The following NRXN2 variants were observed in gnomAD, a reference collection of about 807,000 sequenced individuals.
NRXN2 encodes neurexin 2.
Under a neutral mutation model 128.8 loss-of-function variants are expected in NRXN2, and 29 were observed. The observed-to-expected ratio is 0.23, with a 90% CI of 0.17 to 0.31. The LOEUF (loss-of-function observed/expected upper bound fraction) is 0.31. Ranked by LOEUF, NRXN2 falls within the 10% of genes least tolerant of loss-of-function variation. The pLI is 1.00. For synonymous variants in NRXN2, 1,098 were observed against 1,075.2 expected (o/e 1.02, Z -0.41); for missense variants, 1,881 against 2,452.6 (o/e 0.77, Z 4.92).
chr11:64,696,412 C>T (rs2054531009), intron 3 of NRXN2, among the ~76,000 whole-genome samples: 2 of 152,116 alleles, frequency 1.3e-5, no homozygotes, highest in South Asian at 4.1e-4. Context: ...CACTCAGACA[C>T]AAAACCATGT....
chr11:64,637,454 C>G (rs548032280), intron 17 of NRXN2: 2 of 152,308 alleles, frequency 1.3e-5, no homozygotes, highest in African/African-American at 4.8e-5. Flanking sequence ...AGGCCTCAGC[C>G]GGTAACGGTC....
chr11:64,692,711 G>A lies in NRXN2; in HGVS notation c.778+136C>T, dbSNP rs1208533342. 3 of 900,700 alleles carry A rather than the reference G, an allele frequency of 3.3e-6. No homozygotes were observed. The African/African-American group carries it at 5.0e-5, about 15-fold the overall frequency. The allele number at this position is 900,700 out of a possible 1,614,324, so 55.8% of individuals were successfully genotyped here. A position where few individuals can be genotyped will look rare whatever the true frequency, so the allele number is the denominator to read the frequency against. On this transcript the variant is annotated intron_variant, in intron 4 of 22. Transcript: ENST00000265459. ...AAATTAAGAAATGGCAAAGGAAGCG[G>A]GTAGGAAAGGAAGGAAGGTGTCAGG...
intron 22 of NRXN2, among the ~76,000 whole-genome samples, chr11:64,611,450 A>G (rs1173379083): frequency 6.6e-6 from 1 of 152,182 alleles, no homozygotes; most frequent in African/African-American, 2.4e-5. Flanking sequence ...GCCCCAGCAA[A>G]GTGCCAGGCC....
rs530246736 is a variant in NRXN2, at chr11:64,652,411, C to T, written c.2417-257G>A. Among the ~76,000 whole-genome samples, 37 of 152,220 alleles carry T rather than the reference C, an allele frequency of 2.4e-4. 1 individual carries two copies. The South Asian group carries it at 6.6e-3, about 27-fold the overall frequency. On this transcript the variant is annotated intron_variant, in intron 12 of 22. Coordinates refer to ENST00000265459, the MANE Select transcript of NRXN2 (RefSeq NM_015080.4). ...AGTCATACATCCACTCTCAGGACTGCCCTTTGTGTGACTTTAGGAGGTGCC... is the reference window on the plus strand; with the variant it reads ...AGTCATACATCCACTCTCAGGACTGTCCTTTGTGTGACTTTAGGAGGTGCC...
At chr11:64,661,250 G>A in intron 9 of NRXN2, 111 bp from the exon 10 acceptor site, 1 of 1,570,302 alleles carries the variant, frequency 6.4e-7, no homozygotes, top group Non-Finnish European at 8.6e-7. Flanking sequence ...CTTGTGCCCT[G>A]CAGCAGGCTC....
rs2043060598 is a variant in NRXN2, at chr11:64,626,315, A to AG, written c.3847+147dup. 3 of 654,846 alleles carry AG rather than the reference A, an allele frequency of 4.6e-6. No individual in the cohort carries two copies. The South Asian group carries it at 5.4e-5, about 12-fold the overall frequency. 40.6% of individuals were successfully genotyped at this position (654,846 alleles called of 1,614,324 possible). A position where few individuals can be genotyped will look rare whatever the true frequency, so the allele number is the denominator to read the frequency against. ...TGCACAGACAGACCCTTGACTCCAA[A>AG]GGGGAAGGGAGCATTCTGGCTGGCC... is the stretch of plus-strand genomic sequence containing the variant. On this transcript the variant is annotated intron_variant, in intron 20 of 22. Coordinates refer to ENST00000265459, the MANE Select transcript of NRXN2 (RefSeq NM_015080.4).
At chr11:64,615,474 A>G (rs1171707977) in intron 22 of NRXN2, among the ~76,000 whole-genome samples, 4 of 152,238 alleles carry the variant, frequency 2.6e-5, no homozygotes, top group African/African-American at 9.6e-5. Flanking sequence ...CTGTGGAGTT[A>G]AGCCTGCATG....
At position 64,667,648 on chromosome 11, in the gene NRXN2, C is replaced by A. The variant is rs756530426; in HGVS notation, c.1400G>T (p.Arg467Leu). The A allele has an allele frequency of 1.9e-6, 3 of 1,614,164 alleles. No individual in the cohort carries two copies. Among genetic ancestry groups the A allele is most frequent in the South Asian group, 1.1e-5 (1 of 91,080 alleles). The change falls in exon 9 of 23, where the codon CGC becomes CTC. Residue 467 changes from arginine (R) to leucine (L), a missense_variant. By Grantham distance (102) the Arg-to-Leu change is moderately radical. This residue lies in a region of NRXN2 where 997 missense variants were observed against 1,240.8 expected (regional missense o/e 0.80). Transcript: ENST00000265459. This position sits in a 1 kb window ranked among gnomAD's most constrained non-coding sequence, Gnocchi z 5.6. ...CTTGGGGTCCCCTTCCTTTGCCAGGCGGGATAGTTCCAATTTGAAGTCATT... is the reference window on the plus strand; with the variant it reads ...CTTGGGGTCCCCTTCCTTTGCCAGGAGGGATAGTTCCAATTTGAAGTCATT... ...KNNDFKLELS[R>L]LAKEGDPKMK...
At chr11:64,647,380 A>G (rs1359459647) in intron 17 of NRXN2, among the ~76,000 whole-genome samples, 1 of 151,978 alleles carries the variant, frequency 6.6e-6, no homozygotes, top group East Asian at 1.9e-4. Flanking sequence ...CCATCATCCA[A>G]GGGAAATGCC....
intron 17 of NRXN2, among the ~76,000 whole-genome samples, chr11:64,641,564 C>A (rs1565262311): frequency 6.6e-6 from 1 of 151,022 alleles, no homozygotes; most frequent in East Asian, 1.9e-4. Context: ...TGGAAGGTGA[C>A]AGGTACAGGG....
chr11:64,645,197 G>T (rs1395406904), intron 17 of NRXN2, among the ~76,000 whole-genome samples: 3 of 152,262 alleles, frequency 2.0e-5, no homozygotes, highest in Non-Finnish European at 2.9e-5. Flanking sequence ...GACTGACACA[G>T]CTCTGAGCAG....
At chr11:64,696,026 G>T (rs2054468895) in intron 3 of NRXN2, among the ~76,000 whole-genome samples, 1 of 150,848 alleles carries the variant, frequency 6.6e-6, no homozygotes, top group Non-Finnish European at 1.5e-5. Flanking sequence ...ACAGCTTGAG[G>T]CTTGAGTCTT....
rs750365310 is a variant in NRXN2 at position 64,608,021 on chromosome 11, G to A, written c.4314C>T (p.Thr1438=). 1.3e-6 allele frequency: 2 copies of A among 1,558,516 alleles called. No individual in the cohort carries two copies. Among genetic ancestry groups the A allele is most frequent in the Non-Finnish European group, 1.7e-6 (2 of 1,155,100 alleles). The change falls in exon 23 of 23, where the codon ACC becomes ACT. Residue 1438 remains threonine (T), a synonymous_variant. Coordinates refer to ENST00000265459, the MANE Select transcript of NRXN2 (RefSeq NM_015080.4). ...EDSLDPPPVA[T]RSPFVPPPPT... The stretch of plus-strand genomic sequence containing the variant: ...GGGGCGGGGGCACGAAGGGGGATCG[G>A]GTGGCCACGGGAGGGGGGTCTAAGG...
chr11:64,626,291 GCA>G (rs1422744664), intron 20 of NRXN2, among the ~76,000 whole-genome samples, 170 bp downstream of exon 20: 1 of 152,132 alleles, frequency 6.6e-6, no homozygotes, highest in Non-Finnish European at 1.5e-5. Flanking sequence ...ACTCTGAAAT[GCA>G]CAGACAGACC....
At chr11:64,643,921 T>A (rs2046239552) in intron 17 of NRXN2, among the ~76,000 whole-genome samples, 1 of 125,030 alleles carries the variant, frequency 8.0e-6, no homozygotes, top group Non-Finnish European at 1.6e-5. Context: ...CACAGCCTGC[T>A]GAGATGCCGC....
rs559363747 is a variant in NRXN2, at chr11:64,690,262, C to T, written c.850+143G>A. Reference sequence around the variant, plus strand: ...CTAATGGGGCCTTTGGAATGGCACTCGGGGAGCAGACCCATCACTTCCCAC... The same window carrying T: ...CTAATGGGGCCTTTGGAATGGCACTTGGGGAGCAGACCCATCACTTCCCAC... On this transcript the variant is annotated intron_variant, in intron 5 of 22. Transcript: ENST00000265459. 138 of 733,676 alleles carry T rather than the reference C, an allele frequency of 1.9e-4. No homozygotes were observed. In the African/African-American group the frequency reaches 2.1e-3, roughly 11 times the overall value. 45.4% of individuals were successfully genotyped at this position (733,676 alleles called of 1,614,324 possible).
At chr11:64,696,489 G>A (rs1000482206) in intron 3 of NRXN2, among the ~76,000 whole-genome samples, 1 of 149,878 alleles carries the variant, frequency 6.7e-6, no homozygotes, top group Non-Finnish European at 1.5e-5. Context: ...TTGTATAAAT[G>A]TATGTGTATG....
At chr11:64,676,862 G>T (rs1241465284) in intron 7 of NRXN2, 131 bp downstream of exon 7, 2 of 730,548 alleles carry the variant, frequency 2.7e-6, no homozygotes, top group Non-Finnish European at 5.0e-6. Context: ...GATTGTCCAG[G>T]ACGCAAAAAA....
chr11:64,616,438 C>A (rs967998442), intron 22 of NRXN2, among the ~76,000 whole-genome samples: 11 of 152,296 alleles, frequency 7.2e-5, no homozygotes, highest in African/African-American at 2.6e-4. Context: ...GGTTCTGAAA[C>A]ACATGTGAGC....
Sources: gnomAD v4.1 joint callset for allele counts (sites outside exome capture counted in the v4.1 genomes callset) on GRCh38, gnomAD v4.1.1 for gene constraint, gnomAD v4.1.1 regional missense constraint, Gnocchi (gnomAD v3.1) non-coding constraint, MANE v1.5 for transcripts, NCBI Gene and HGNC (gene_info 2026-07-23, HGNC 2026-07-21) for gene names.